The following KANK1 variants were observed in gnomAD, a reference collection of about 807,000 sequenced individuals.
KANK1 encodes the protein KN motif and ankyrin repeat domains 1, also known as KN motif and ankyrin repeat domain-containing protein 1.
Under a neutral mutation model 106.2 loss-of-function variants are expected in KANK1, and 109 were observed. The observed-to-expected ratio is 1.03, with a 90% CI of 0.88 to 1.20. The LOEUF (loss-of-function observed/expected upper bound fraction) is 1.20. Ranked by LOEUF, KANK1 falls within the 50% of genes most tolerant of loss-of-function variation. The pLI is 0.00. For synonymous variants in KANK1, 873 were observed against 652.2 expected (o/e 1.34, Z -5.16); for missense variants, 2,399 against 1,710.7 (o/e 1.40, Z -7.10).
chr9:697,845 C>G (rs1247164537), intron 2 of KANK1, among the ~76,000 whole-genome samples: 3 of 152,150 alleles, frequency 2.0e-5, no homozygotes, highest in Non-Finnish European at 2.9e-5. Flanking sequence ...AATAGCCAAT[C>G]TGATGTGTGC....
At chr9:657,899 G>A (rs955809956) in intron 1 of KANK1, among the ~76,000 whole-genome samples, 7 of 151,882 alleles carry the variant, frequency 4.6e-5, no homozygotes, top group Non-Finnish European at 1.0e-4. Flanking sequence ...TGGTGTGGGG[G>A]TGGTATAGGC....
chr9:631,040 T>G (rs1835605562), intron 1 of KANK1, among the ~76,000 whole-genome samples: 3 of 152,170 alleles, frequency 2.0e-5, no homozygotes, highest in African/African-American at 7.2e-5. Flanking sequence ...TATGACTGGT[T>G]GGTAGAAATA....
chr9:677,141 A>T, intron 2 of KANK1, 132 bp downstream of exon 2: 1 of 801,754 alleles, frequency 1.2e-6, no homozygotes, highest in Admixed American at 2.9e-5. Context: ...TTTTCTGTCC[A>T]TTGAAGTTTG....
intron 1 of KANK1, among the ~76,000 whole-genome samples, chr9:507,926 C>T (rs554069035): frequency 6.9e-4 from 104 of 151,236 alleles, no homozygotes; most frequent in African/African-American, 2.1e-3. Flanking sequence ...CCTTGTGATC[C>T]GCCCACCTCA....
In KANK1 at chr9:717,634, TAAA is replaced by T. The variant is rs138671791; in HGVS notation, c.2698+4174_2698+4176del. Among the ~76,000 whole-genome samples the T allele has an allele frequency of 4.3e-3, 661 of 152,214 alleles. 2 individuals carry two copies. Among genetic ancestry groups the T allele is most frequent in the African/African-American group, 0.015 (619 of 41,546 alleles). ...GCATTTAATATTTTCTTTTATAAAA[TAAA>T]AAAGTTAAGAGGAAATGAGTTTCTG... On this transcript the variant is annotated intron_variant, in intron 3 of 11. Coordinates refer to ENST00000382297, the MANE Select transcript of KANK1 (RefSeq NM_015158.5).
intron 1 of KANK1, among the ~76,000 whole-genome samples, chr9:667,447 A>C (rs1275404036): frequency 6.6e-6 from 1 of 151,784 alleles, no homozygotes; most frequent in Admixed American, 6.6e-5. Flanking sequence ...TTCTCCTAGT[A>C]AATTTGGGTT....
intron 1 of KANK1, among the ~76,000 whole-genome samples, chr9:580,727 G>C (rs1821873711): frequency 6.6e-6 from 1 of 152,256 alleles, no homozygotes; most frequent in Admixed American, 6.5e-5. Flanking sequence ...TCCCGCACTG[G>C]GGCCGCAGGC....
chr9:576,925 A>C (rs1434205526), intron 1 of KANK1, among the ~76,000 whole-genome samples: 1 of 152,202 alleles, frequency 6.6e-6, no homozygotes, highest in Non-Finnish European at 1.5e-5. Flanking sequence ...GAATGAAGCC[A>C]TAGACCCTCA....
intron 1 of KANK1, among the ~76,000 whole-genome samples, chr9:569,080 T>A (rs1417325304): frequency 6.6e-6 from 1 of 152,148 alleles, no homozygotes; most frequent in African/African-American, 2.4e-5. Flanking sequence ...AGGCTGTTAG[T>A]GCAGAGGTAT....
intron 1 of KANK1, among the ~76,000 whole-genome samples, chr9:670,675 C>T (rs1030803865): frequency 6.6e-6 from 1 of 152,176 alleles, no homozygotes; most frequent in African/African-American, 2.4e-5. Flanking sequence ...GCTTCCAGGG[C>T]TGGAGATGGT....
intron 1 of KANK1, among the ~76,000 whole-genome samples, chr9:621,139 C>G (rs928656863): frequency 1.3e-5 from 2 of 152,092 alleles, no homozygotes; most frequent in African/African-American, 2.4e-5. Flanking sequence ...CTTTGGAGAA[C>G]CTAATATATT....
In KANK1 at chr9:712,766, G is replaced by A. The variant is rs3824420; in HGVS notation, c.2000G>A (p.Arg667His). 20,657 of 1,613,676 alleles carry A rather than the reference G, an allele frequency of 0.013. 1,241 individuals are homozygous for A. In the East Asian group the frequency reaches 0.16, roughly 12 times the overall value. The change falls in exon 3 of 12, where the codon CGT (arginine) becomes CAT (histidine). Residue 667 changes from arginine (R) to histidine (H), a missense_variant. Arg to His is a conservative substitution (Grantham distance 29, BLOSUM62 0). Coordinates refer to ENST00000382297, the MANE Select transcript of KANK1 (RefSeq NM_015158.5). Reference sequence around the variant, plus strand: ...GAAGCTGCCGTCATGGCAGTGCCTCGTACTGCAGACCAGGACACTAGCACA... The same window carrying A: ...GAAGCTGCCGTCATGGCAGTGCCTCATACTGCAGACCAGGACACTAGCACA... ...QVEAAVMAVP[R>H]TADQDTSTDL... is the part of the protein sequence containing the mutation.
At chr9:672,963 C>G (rs1031112382) in intron 1 of KANK1, among the ~76,000 whole-genome samples, 3 of 152,134 alleles carry the variant, frequency 2.0e-5, no homozygotes, top group African/African-American at 7.2e-5. Context: ...GCACTGTCCT[C>G]TGAGGGAGAA....
At position 594,931 on chromosome 9, in the gene KANK1, TAAAC is replaced by T. The variant is rs904299491; in HGVS notation, c.-83-81955_-83-81952del. ...GCTTATTTATTACAATCAGAGGAAT[TAAAC>T]AAAGATATGTAGATACTTTGTCATC... On this transcript the variant is annotated intron_variant, in intron 1 of 11. Transcript: ENST00000382297. 1.8e-4 allele frequency among the ~76,000 whole-genome samples: 28 copies of T among 151,934 alleles called. 2 individuals carry two copies. Among genetic ancestry groups the T allele is most frequent in the African/African-American group, 6.1e-4 (25 of 41,254 alleles).
intron 1 of KANK1, among the ~76,000 whole-genome samples, chr9:561,698 G>A (rs949992582): frequency 2.0e-5 from 3 of 152,222 alleles, no homozygotes; most frequent in African/African-American, 7.2e-5. Context: ...TTGGCAGTGG[G>A]TTGAATGTTG....
chr9:677,114 C>A (rs1031459550), intron 2 of KANK1, 105 bp downstream of exon 2: 2 of 1,053,446 alleles, frequency 1.9e-6, no homozygotes, highest in Non-Finnish European at 2.8e-6. Context: ...GCCTAGATAA[C>A]TAGGATTTCA....
At chr9:698,943 A>G (rs577737387) in intron 2 of KANK1, among the ~76,000 whole-genome samples, 15 of 152,242 alleles carry the variant, frequency 9.9e-5, no homozygotes, top group Non-Finnish European at 1.6e-4. Flanking sequence ...TGATGCAAAA[A>G]CTTGATCCCC....
At chr9:731,079 AAAG>A (rs1832109753) in intron 4 of KANK1, 76 bp from the exon 5 acceptor site, 2 of 698,848 alleles carry the variant, frequency 2.9e-6, no homozygotes, top group African/African-American at 1.8e-5. Flanking sequence ...ATGCATGAGA[AAAG>A]AACTGTACAG....
chr9:508,232 G>C (rs576770482), intron 1 of KANK1, among the ~76,000 whole-genome samples: 1 of 143,806 alleles, frequency 7.0e-6, no homozygotes. Flanking sequence ...TCTGCCTCCC[G>C]GGTTCAAGCG....
Sources: allele counts gnomAD v4.1 joint callset (sites outside exome capture counted in the v4.1 genomes callset), GRCh38; gene constraint gnomAD v4.1.1; transcripts MANE v1.5; gene names NCBI Gene and HGNC (gene_info 2026-07-23, HGNC 2026-07-21).